Variants in TVP23A observed in about 807,000 individuals in gnomAD.
TVP23A encodes the protein Golgi apparatus membrane protein TVP23 homolog A.
Under a neutral mutation model 31.7 loss-of-function variants are expected in TVP23A, and 21 were observed. The ratio of observed to expected loss-of-function variants is 0.66; its 90% confidence interval spans 0.47 to 0.95. The LOEUF (loss-of-function observed/expected upper bound fraction) is 0.95. Among genes scored for constraint, TVP23A ranks in the 40% least tolerant of loss-of-function variants. TVP23A has a pLI of 0.00. For missense variants in TVP23A, 279 were observed against 255.6 expected, an observed-to-expected ratio of 1.09 and a Z score of -0.62; for synonymous variants, 104 against 96.0, an observed-to-expected ratio of 1.08 and a Z score of -0.49.
intron 2 of TVP23A, among the ~76,000 whole-genome samples, chr16:10,790,448 C>T (rs781431770): frequency 6.6e-6 from 1 of 152,000 alleles, no homozygotes; most frequent in Non-Finnish European, 1.5e-5. Context: ...CCATGCCTGG[C>T]TAATATTTTG....
At chr16:10,814,563 A>G (rs2034350518) in intron 2 of TVP23A, among the ~76,000 whole-genome samples, 1 of 151,680 alleles carries the variant, frequency 6.6e-6, no homozygotes, top group Admixed American at 6.6e-5. Context: ...CCTTGGTCTG[A>G]TCTCCTATCC....
chr16:10,797,812 G>A (rs888302922), intron 2 of TVP23A, among the ~76,000 whole-genome samples: 2 of 152,094 alleles, frequency 1.3e-5, no homozygotes, highest in African/African-American at 4.8e-5. Context: ...ATGATCGGGG[G>A]AAGGTGAAAA....
chr16:10,772,168 C>T (rs753395441), intron 5 of TVP23A, among the ~76,000 whole-genome samples: 4 of 152,156 alleles, frequency 2.6e-5, no homozygotes, highest in East Asian at 3.8e-4. Context: ...CAAATACCCA[C>T]GGACACCTCA....
At chr16:10,785,172 A>AG (rs2032675248) in intron 2 of TVP23A, among the ~76,000 whole-genome samples, 1 of 152,208 alleles carries the variant, frequency 6.6e-6, no homozygotes, top group South Asian at 2.1e-4. Flanking sequence ...TGGGAGGCCA[A>AG]GGCGGGTGGA....
intron 2 of TVP23A, among the ~76,000 whole-genome samples, chr16:10,815,177 G>C (rs562599732): frequency 0.19 from 28,607 of 151,936 alleles, 6,557 homozygotes; most frequent in African/African-American, 0.54. Flanking sequence ...AGGTAGGGAG[G>C]CTGAGATCAG....
intron 2 of TVP23A, among the ~76,000 whole-genome samples, chr16:10,801,979 T>C (rs752832820): frequency 1.4e-4 from 21 of 152,088 alleles, no homozygotes; most frequent in Non-Finnish European, 2.4e-4. Context: ...TGGCGCAATA[T>C]AGCAAGATCT....
intron 2 of TVP23A, among the ~76,000 whole-genome samples, chr16:10,794,587 G>C (rs535979911): frequency 6.6e-6 from 1 of 152,300 alleles, no homozygotes; most frequent in East Asian, 1.9e-4. Flanking sequence ...TTACAGATGA[G>C]GACACTGGTG....
downstream of TVP23A, among the ~76,000 whole-genome samples, chr16:10,758,714 G>A (rs960330622): frequency 6.6e-6 from 1 of 152,110 alleles, no homozygotes; most frequent in South Asian, 2.1e-4. Flanking sequence ...TGGATTTTCC[G>A]TTTACATCCC....
chr16:10,778,921 G>A (rs1468395849), intron 2 of TVP23A, among the ~76,000 whole-genome samples: 3 of 152,184 alleles, frequency 2.0e-5, no homozygotes, highest in Non-Finnish European at 2.9e-5. Flanking sequence ...AGCTGAGATT[G>A]CACCACTGCA....
chr16:10,786,907 G>C (rs905123988), intron 2 of TVP23A, among the ~76,000 whole-genome samples: 2 of 151,904 alleles, frequency 1.3e-5, no homozygotes, highest in African/African-American at 2.4e-5. Context: ...CTGATATTCT[G>C]GGTACCTAGA....
At position 10,767,004 on chromosome 16, in the gene TVP23A, C is replaced by T. The variant is rs377373902; in HGVS notation, c.*2098G>A. 6 of 398,648 alleles carry T rather than the reference C, an allele frequency of 1.5e-5. No individual in the cohort carries two copies. The highest frequency in any genetic ancestry group is 4.4e-5 in the Admixed American group (1 of 22,722). The allele number at this position is 398,648 out of a possible 1,614,324, so 24.7% of individuals were successfully genotyped here. A position where few individuals can be genotyped will look rare whatever the true frequency, so the allele number is the denominator to read the frequency against. ...AACCCCTCCCCACAGGCTTCTTCCCCGACTTGGACTTCCCTGTCCCACAGG... is the reference window on the plus strand; with the variant it reads ...AACCCCTCCCCACAGGCTTCTTCCCTGACTTGGACTTCCCTGTCCCACAGG... On this transcript the variant is annotated 3_prime_UTR_variant, in exon 8 of 8. Transcript: ENST00000299866. This position sits in a 1 kb window ranked among gnomAD's most constrained non-coding sequence, Gnocchi z 4.6.
At position 10,818,263 on chromosome 16, in the gene TVP23A, G is replaced by T. The variant is rs1019469935; in HGVS notation, c.10-81C>A. 2 of 1,315,692 alleles carry T rather than the reference G, an allele frequency of 1.5e-6. No individual in the cohort carries two copies. Among genetic ancestry groups the T allele is most frequent in the African/African-American group, 1.5e-5 (1 of 68,486 alleles). The allele number at this position is 1,315,692 out of a possible 1,614,324, so 81.5% of individuals were successfully genotyped here. A position where few individuals can be genotyped will look rare whatever the true frequency, so the allele number is the denominator to read the frequency against. ...CACCCGCCCTGTCCTCCTGGGCTTG[G>T]ACTCCACTTGCACCCCACCGGGTTC... is the stretch of plus-strand genomic sequence containing the variant. On this transcript the variant is annotated intron_variant, in intron 1 of 7. Coordinates refer to ENST00000299866, the MANE Select transcript of TVP23A (RefSeq NM_001079512.4). The surrounding 1 kb of genome is among the most constrained non-coding windows in gnomAD (Gnocchi z 4.7).
At chr16:10,769,217 G>C in intron 7 of TVP23A, 116 bp from the exon 8 acceptor site, 1 of 886,222 alleles carries the variant, frequency 1.1e-6, no homozygotes. Flanking sequence ...AAAAGGACCA[G>C]ATGCTGGTGT....
intron 7 of TVP23A, 126 bp downstream of exon 7, chr16:10,770,146 G>C: frequency 8.3e-7 from 1 of 1,203,802 alleles, no homozygotes; most frequent in South Asian, 1.4e-5. Flanking sequence ...TTCCTGCCTG[G>C]TCACATGCCT....
chr16:10,774,386 A>G (rs1192346327), intron 3 of TVP23A, among the ~76,000 whole-genome samples: 1 of 152,120 alleles, frequency 6.6e-6, no homozygotes, highest in Non-Finnish European at 1.5e-5. Flanking sequence ...TATATGTATT[A>G]ATTCGTATAC....
chr16:10,785,567 TCA>T (rs2032704816), intron 2 of TVP23A, among the ~76,000 whole-genome samples: 1 of 152,192 alleles, frequency 6.6e-6, no homozygotes, highest in African/African-American at 2.4e-5. Context: ...GAGACAGGTC[TCA>T]GTTATTTTAG....
chr16:10,799,157 C>A (rs547772199), intron 2 of TVP23A, among the ~76,000 whole-genome samples: 2 of 152,338 alleles, frequency 1.3e-5, no homozygotes, highest in South Asian at 2.1e-4. Flanking sequence ...CAGCTCTGAG[C>A]AACCTCTGAC....
chr16:10,775,001 C>G lies in TVP23A; in HGVS notation c.185G>C (p.Cys62Ser), dbSNP rs769733916. Residue 62 changes from cysteine to serine, a missense_variant, in exon 3 of 8, where the codon TGT becomes TCT. Coordinates refer to ENST00000299866, the MANE Select transcript of TVP23A (RefSeq NM_001079512.4). Reference protein sequence around the residue: ...CDWFSKSFVGCFVMVLLLLSL... With the variant: ...CDWFSKSFVGSFVMVLLLLSL... ...CAGGAGGAGCAGCACCATGACAAAA[C>G]AGCCCACAAAGCTCTTGCTGAACCA... 25 of 1,612,914 alleles carry G rather than the reference C, an allele frequency of 1.5e-5. No homozygotes were observed. The highest frequency in any genetic ancestry group is 4.0e-5 in the African/African-American group (3 of 74,896).
At position 10,767,141 on chromosome 16, in the gene TVP23A, C is replaced by G. The variant is rs2031001846; in HGVS notation, c.*1961G>C. Reference sequence around the variant, plus strand: ...GCAGTGCAGTCACTTGCCTGTTTCGCCAGCAGCTCAGGCCTGGGGAGTGGG... The same window carrying G: ...GCAGTGCAGTCACTTGCCTGTTTCGGCAGCAGCTCAGGCCTGGGGAGTGGG... On this transcript the variant is annotated 3_prime_UTR_variant, in exon 8 of 8. Transcript: ENST00000299866. The surrounding 1 kb of genome is among the most constrained non-coding windows in gnomAD (Gnocchi z 4.6). 2 of 398,894 alleles carry G rather than the reference C, an allele frequency of 5.0e-6. No individual in the cohort carries two copies. The highest frequency in any genetic ancestry group is 8.8e-6 in the Non-Finnish European group (2 of 226,278). The allele number at this position is 398,894 out of a possible 1,614,324, so 24.7% of individuals were successfully genotyped here.
Sources: allele counts gnomAD v4.1 joint callset (sites outside exome capture counted in the v4.1 genomes callset), GRCh38; gene constraint gnomAD v4.1.1; non-coding constraint Gnocchi (gnomAD v3.1); transcripts MANE v1.5; gene names NCBI Gene and HGNC (gene_info 2026-07-23, HGNC 2026-07-21).